The following DOCK9 variants were observed in gnomAD, a reference collection of about 807,000 sequenced individuals.
DOCK9 encodes the protein dedicator of cytokinesis 9, also known as dedicator of cytokinesis protein 9.
DOCK9 carries 89 observed loss-of-function variants against 263.3 expected under a neutral mutation model. That is an observed-to-expected ratio of 0.34 (90% CI 0.28 to 0.40). The LOEUF (loss-of-function observed/expected upper bound fraction) is 0.40, where lower values mean the gene tolerates loss of function less well. Among genes scored for constraint, DOCK9 ranks in the 10% least tolerant of loss-of-function variants. The pLI is 1.00. For synonymous variants in DOCK9, 976 were observed against 973.1 expected, an observed-to-expected ratio of 1.00 and a Z score of -0.06; for missense variants, 2,140 against 2,603.4, an observed-to-expected ratio of 0.82 and a Z score of 3.87.
chr13:99,078,836 G>A (rs2142449120), intron 1 of DOCK9, among the ~76,000 whole-genome samples: 1 of 152,272 alleles, frequency 6.6e-6, no homozygotes, highest in South Asian at 2.1e-4. Context: ...ATTGACCAAA[G>A]TGATAAAAGT....
chr13:98,902,701 G>T (rs7328282), intron 11 of DOCK9, among the ~76,000 whole-genome samples: 1 of 152,058 alleles, frequency 6.6e-6, no homozygotes, highest in African/African-American at 2.4e-5. Context: ...GTTTTGCTAC[G>T]TAATGTATGT....
chr13:98,967,202 G>A (rs1030645929), intron 1 of DOCK9, among the ~76,000 whole-genome samples: 1 of 152,232 alleles, frequency 6.6e-6, no homozygotes, highest in East Asian at 1.9e-4. Flanking sequence ...GATGGGAAAA[G>A]TAACAATTTC....
chr13:98,814,169 C>G (rs1233369766), intron 45 of DOCK9, among the ~76,000 whole-genome samples: 1 of 152,110 alleles, frequency 6.6e-6, no homozygotes, highest in Non-Finnish European at 1.5e-5. Flanking sequence ...CCATTTACCT[C>G]CTACATCATA....
intron 1 of DOCK9, among the ~76,000 whole-genome samples, chr13:99,073,215 T>A (rs2142390174): frequency 6.6e-6 from 1 of 152,198 alleles, no homozygotes; most frequent in African/African-American, 2.4e-5. Flanking sequence ...ACCCTGCATA[T>A]CCTACCCCTG....
chr13:99,018,866 T>C (rs1885739520), intron 1 of DOCK9, among the ~76,000 whole-genome samples: 2 of 152,232 alleles, frequency 1.3e-5, no homozygotes. Context: ...CACTTCTAAT[T>C]TATACAGCTC....
upstream of DOCK9, among the ~76,000 whole-genome samples, chr13:98,981,096 GC>G (rs1358486577): frequency 6.7e-6 from 1 of 149,282 alleles, no homozygotes; most frequent in Non-Finnish European, 1.5e-5. Flanking sequence ...TGGCTCTGCT[GC>G]CCAGACTGGA....
chr13:98,834,500 TTCCTATTGC>T (rs1223696994), intron 39 of DOCK9: 1 of 152,208 alleles, frequency 6.6e-6, no homozygotes, highest in Non-Finnish European at 1.5e-5. Flanking sequence ...CCTGTCTTGG[TTCCTATTGC>T]TCCTGATTAT....
At chr13:98,855,872 AT>A (rs2093695540) in intron 34 of DOCK9, 25 bp downstream of exon 34, 1 of 1,612,682 alleles carries the variant, frequency 6.2e-7, no homozygotes, top group African/African-American at 1.3e-5. Flanking sequence ...TATAAGAAAC[AT>A]TTGTGTTGGG....
At chr13:98,898,368 T>C in intron 13 of DOCK9, 107 bp from the exon 14 acceptor site, 1 of 775,564 alleles carries the variant, frequency 1.3e-6, no homozygotes, top group East Asian at 2.7e-5. Context: ...ACCATAGCAT[T>C]GGATGCATAG....
At chr13:98,907,182 A>C (rs575423702) in intron 9 of DOCK9, among the ~76,000 whole-genome samples, 5 of 152,350 alleles carry the variant, frequency 3.3e-5, no homozygotes, top group South Asian at 4.1e-4. Context: ...CTTGCTTTAC[A>C]TTGTATACTG....
chr13:98,938,668 G>C lies in DOCK9; in HGVS notation c.244-8411C>G, dbSNP rs1201987010. 2.0e-5 allele frequency among the ~76,000 whole-genome samples: 3 copies of C among 152,024 alleles called. No homozygotes were observed. In the East Asian group the frequency reaches 5.8e-4, roughly 29 times the overall value. ...AAATATAAGAGTGAGTATTAACAAA[G>C]ATTTCTATTATTTTTCTAACCCTCT... On this transcript the variant is annotated intron_variant, in intron 2 of 52. Coordinates refer to ENST00000682017, the MANE Select transcript of DOCK9 (RefSeq NM_001366683.2).
In DOCK9 at chr13:98,805,043, T is replaced by C; in HGVS notation, c.5681A>G (p.Gln1894Arg). 1 of 1,611,528 alleles carries C rather than the reference T, an allele frequency of 6.2e-7. No individual in the cohort carries two copies. Among genetic ancestry groups the C allele is most frequent in the South Asian group, 1.1e-5 (1 of 90,334 alleles). The stretch of plus-strand genomic sequence containing the variant: ...TTTGCACTGCTCTTCCACCCCGCCC[T>C]GCCTCTTCCCGGTCTGCGTAAATGG... Reference protein sequence around the residue: ...EMPFTQTGKRQGGVEEQCKRR... With the variant: ...EMPFTQTGKRRGGVEEQCKRR... Residue 1894 changes from glutamine to arginine, a missense_variant, in exon 49 of 53, where the codon CAG becomes CGG. This residue lies in a region of DOCK9 where 619 missense variants were observed against 861.8 expected (regional missense o/e 0.72). Transcript: ENST00000682017.
chr13:98,911,130 T>G (rs36003493), intron 9 of DOCK9, among the ~76,000 whole-genome samples: 9 of 152,132 alleles, frequency 5.9e-5, no homozygotes, highest in Non-Finnish European at 1.3e-4. Flanking sequence ...CAGATACCCA[T>G]GTGCTGAGTG....
At chr13:98,875,354 C>G (rs1443257859) in intron 27 of DOCK9, among the ~76,000 whole-genome samples, 1 of 152,162 alleles carries the variant, frequency 6.6e-6, no homozygotes, top group African/African-American at 2.4e-5. Context: ...AAGGGGAAGT[C>G]CAAACAGTCC....
intron 1 of DOCK9, chr13:99,016,170 C>A (rs1885379624): frequency 6.6e-6 from 1 of 152,092 alleles, no homozygotes; most frequent in African/African-American, 2.4e-5. Context: ...TTATTTAATC[C>A]TGCATCAGCG....
At chr13:98,877,841 A>G (rs1243106419) in intron 27 of DOCK9, among the ~76,000 whole-genome samples, 2 of 152,190 alleles carry the variant, frequency 1.3e-5, no homozygotes, top group South Asian at 4.1e-4. Context: ...TGCAGAATGA[A>G]TTGGTTATAT....
At chr13:98,810,953 G>C (rs149369632) in intron 45 of DOCK9, among the ~76,000 whole-genome samples, 236 of 152,324 alleles carry the variant, frequency 1.5e-3, no homozygotes, top group African/African-American at 5.4e-3. Context: ...GCCAATCAGG[G>C]TGAATTTTAG....
At chr13:98,905,488 G>A (rs1458710796) in intron 9 of DOCK9, among the ~76,000 whole-genome samples, 1 of 152,144 alleles carries the variant, frequency 6.6e-6, no homozygotes, top group Non-Finnish European at 1.5e-5. Flanking sequence ...GCCAGGAAAG[G>A]AGAAAAGCGC....
At chr13:98,868,432 A>G in intron 27 of DOCK9, 55 bp from the exon 28 acceptor site, 1 of 1,529,260 alleles carries the variant, frequency 6.5e-7, no homozygotes, top group East Asian at 2.4e-5. Context: ...ATCATTTGGG[A>G]GGAAAAAATA....
Sources: allele counts gnomAD v4.1 joint callset (sites outside exome capture counted in the v4.1 genomes callset), GRCh38; gene constraint gnomAD v4.1.1; regional missense constraint gnomAD v4.1.1; transcripts MANE v1.5; gene names NCBI Gene and HGNC (gene_info 2026-07-23, HGNC 2026-07-21).